The following CLIC2 variants were observed in gnomAD, a reference collection of about 807,000 sequenced individuals.
CLIC2 encodes CLIC family member 2, also known as chloride intracellular channel protein 2.
CLIC2 carries 9 observed loss-of-function variants against 14.8 expected under a neutral mutation model. The observed-to-expected ratio is 0.61, with a 90% CI of 0.37 to 1.06. CLIC2 has a LOEUF of 1.06. CLIC2 is among the 50% of genes least tolerant of loss of function. The pLI, the probability that CLIC2 is intolerant of heterozygous loss-of-function variation, is 0.01. For synonymous variants in CLIC2, 61 were observed against 66.3 expected (o/e 0.92, Z 0.39); for missense variants, 148 against 181.4 (o/e 0.82, Z 1.06).
intron 1 of CLIC2, among the ~76,000 whole-genome samples, chrX:155,319,555 G>A (rs990854901): frequency 1.8e-5 from 2 of 112,226 alleles, no homozygotes; most frequent in Admixed American, 9.4e-5. Context: ...CACAGTCTTC[G>A]CAACCAGCAG....
chrX:155,298,334 G>C (rs781962942), intron 3 of CLIC2, among the ~76,000 whole-genome samples: 2 of 112,174 alleles, frequency 1.8e-5, no homozygotes, highest in African/African-American at 3.2e-5. Flanking sequence ...AGAGATGTGC[G>C]GTTGTCATTC....
chrX:155,280,732 T>G (rs2074915830), intron 3 of CLIC2, among the ~76,000 whole-genome samples: 1 of 110,248 alleles, frequency 9.1e-6, no homozygotes, highest in Non-Finnish European at 1.9e-5. Context: ...TTTCAAATAT[T>G]ACAACTTATA....
intron 1 of CLIC2, 148 bp downstream of exon 1, chrX:155,334,223 G>A (rs2075166477): frequency 5.9e-6 from 3 of 509,281 alleles, no homozygotes; most frequent in South Asian, 5.6e-5. Flanking sequence ...TCACACACCC[G>A]GGCATTCTTC....
chrX:155,326,349 G>A (rs2075138322), intron 1 of CLIC2, among the ~76,000 whole-genome samples: 1 of 111,495 alleles, frequency 9.0e-6, no homozygotes, highest in Non-Finnish European at 1.9e-5. Flanking sequence ...CAGACAAAAT[G>A]TTCAATTTTA....
At chrX:155,322,600 G>A (rs782642642) in intron 1 of CLIC2, among the ~76,000 whole-genome samples, 3 of 111,553 alleles carry the variant, frequency 2.7e-5, no homozygotes, top group South Asian at 3.7e-4. Context: ...ATCAGAAAGC[G>A]GGAAAGATTT....
At chrX:155,284,895 C>CA (rs1221208612) in intron 3 of CLIC2, among the ~76,000 whole-genome samples, 1 of 111,868 alleles carries the variant, frequency 8.9e-6, no homozygotes, top group Non-Finnish European at 1.9e-5. Context: ...TCAAGGTAAC[C>CA]AAAAATGCCA....
At chrX:155,307,810 G>C (rs1200226834) in intron 1 of CLIC2, among the ~76,000 whole-genome samples, 2 of 111,461 alleles carry the variant, frequency 1.8e-5, no homozygotes. Flanking sequence ...CCTGGAGGCA[G>C]AGGTTGCAGT....
chrX:155,298,767 A>G lies in CLIC2; in HGVS notation c.293+18T>C, dbSNP rs782810557. Reference sequence around the variant, plus strand: ...AATAGATTATCTTCAGCAAAATAGTATCTTGTAAATGCTGTACCTTGGAGG... The same window carrying G: ...AATAGATTATCTTCAGCAAAATAGTGTCTTGTAAATGCTGTACCTTGGAGG... On this transcript the variant is annotated intron_variant, in intron 3 of 5. Coordinates refer to ENST00000369449, the MANE Select transcript of CLIC2 (RefSeq NM_001289.6). 96 of 1,205,960 alleles carry G rather than the reference A, an allele frequency of 8.0e-5. No individual in the cohort carries two copies. Among genetic ancestry groups the G allele is most frequent in the Admixed American group, 2.0e-4 (9 of 45,685 alleles).
chrX:155,295,547 G>A (rs1453650395), intron 3 of CLIC2, among the ~76,000 whole-genome samples: 2 of 110,499 alleles, frequency 1.8e-5, no homozygotes, highest in East Asian at 5.6e-4. Context: ...AGAAATAAAA[G>A]GCATCCAAAT....
intron 3 of CLIC2, chrX:155,293,363 A>G (rs1364382561): frequency 2.8e-5 from 31 of 1,090,709 alleles, no homozygotes; most frequent in Non-Finnish European, 3.3e-5. Context: ...TCCAACAAGA[A>G]AGGAAAGGCT....
At chrX:155,291,050 T>C in intron 3 of CLIC2, 1 of 775,389 alleles carries the variant, frequency 1.3e-6, no homozygotes, top group East Asian at 3.2e-5. Context: ...CAGATTCCTT[T>C]TCCAGAGTTG....
intron 3 of CLIC2, chrX:155,290,236 T>A: frequency 5.9e-6 from 1 of 168,605 alleles, no homozygotes; most frequent in Non-Finnish European, 1.1e-5. Flanking sequence ...TGACAAGTGC[T>A]ATTTTCCAAA....
chrX:155,284,328 C>T (rs1437855440), intron 3 of CLIC2, among the ~76,000 whole-genome samples: 3 of 105,747 alleles, frequency 2.8e-5, no homozygotes, highest in Non-Finnish European at 5.8e-5. Flanking sequence ...GGCGCAATCT[C>T]GGCTCACCAC....
intron 1 of CLIC2, among the ~76,000 whole-genome samples, chrX:155,314,665 G>A (rs1252824960): frequency 9.0e-6 from 1 of 111,396 alleles, no homozygotes; most frequent in African/African-American, 3.3e-5. Context: ...ACAAAACAAG[G>A]TAATTTAACA....
chrX:155,323,469 T>G (rs2075125001), intron 1 of CLIC2, among the ~76,000 whole-genome samples: 2 of 112,032 alleles, frequency 1.8e-5, no homozygotes, highest in African/African-American at 6.5e-5. Context: ...AAGCCTTCGA[T>G]AAAATTCAAT....
At chrX:155,330,835 A>G (rs781845140) in intron 1 of CLIC2, among the ~76,000 whole-genome samples, 22 of 110,475 alleles carry the variant, frequency 2.0e-4, no homozygotes, top group South Asian at 3.9e-4. Flanking sequence ...TGGAAGAATC[A>G]TCTGTGTAGA....
At chrX:155,320,465 G>A (rs1452116314) in intron 1 of CLIC2, among the ~76,000 whole-genome samples, 5 of 112,011 alleles carry the variant, frequency 4.5e-5, no homozygotes, top group Non-Finnish European at 9.4e-5. Flanking sequence ...GCAGCAGAGG[G>A]TCCTGACTGT....
At chrX:155,298,665 A>G in intron 3 of CLIC2, 120 bp downstream of exon 3, 1 of 776,559 alleles carries the variant, frequency 1.3e-6, no homozygotes, top group Admixed American at 2.3e-5. Flanking sequence ...CATGTGTGTC[A>G]TTTGACATGT....
chrX:155,329,637 A>C (rs1457620119), intron 1 of CLIC2, among the ~76,000 whole-genome samples: 2 of 109,018 alleles, frequency 1.8e-5, no homozygotes, highest in Non-Finnish European at 3.8e-5. Flanking sequence ...GAGGTTCCTC[A>C]AAAAAATGAA....
Sources: allele counts gnomAD v4.1 joint callset (sites outside exome capture counted in the v4.1 genomes callset), GRCh38; gene constraint gnomAD v4.1.1; transcripts MANE v1.5; gene names NCBI Gene and HGNC (gene_info 2026-07-23, HGNC 2026-07-21).